Variants in OAF observed in about 807,000 individuals in gnomAD.
OAF encodes out at first homolog.
A neutral mutation model predicts 22.5 loss-of-function variants in OAF; 13 were observed. The observed-to-expected ratio is 0.58, with a 90% CI of 0.38 to 0.92. The LOEUF (loss-of-function observed/expected upper bound fraction) is 0.92. Ranked by LOEUF, OAF falls within the 40% of genes least tolerant of loss-of-function variation. OAF has a pLI of 0.00. For missense variants in OAF, 347 were observed against 381.8 expected, an observed-to-expected ratio of 0.91 and a Z score of 0.76; for synonymous variants, 175 against 170.5, an observed-to-expected ratio of 1.03 and a Z score of -0.21.
At chr11:120,213,894 C>T (rs1031954440) in intron 1 of OAF, 1 of 152,052 alleles carries the variant, frequency 6.6e-6, no homozygotes, top group African/African-American at 2.4e-5. Flanking sequence ...CCAAACGAGA[C>T]CCCTGTCTCT....
At chr11:120,226,758 G>A in intron 2 of OAF, 58 bp from the exon 3 acceptor site, 6 of 1,488,140 alleles carry the variant, frequency 4.0e-6, no homozygotes, top group Middle Eastern at 1.8e-4. Context: ...AGGGTCAGGG[G>A]AAGATGGACA....
intron 1 of OAF, among the ~76,000 whole-genome samples, chr11:120,223,450 T>G (rs1591359991): frequency 6.6e-6 from 1 of 152,312 alleles, no homozygotes; most frequent in South Asian, 2.1e-4. Context: ...CTCTTCTAGT[T>G]ACAAATTTCA....
rs2508490 is a variant in OAF at position 120,228,970 on chromosome 11, G to A, written c.650G>A (p.Arg217His). The part of the protein sequence containing the change: ...VGDHGKPCVC[R>H]YGLSLAWYPC... ...GACCACGGGAAGCCCTGCGTCTGCC[G>A]CTATGGCCTGAGCCTGGCCTGGTAC... The change falls in exon 4 of 4, where the codon CGC becomes CAC. Residue 217 changes from arginine (R) to histidine (H), a missense_variant. By Grantham distance (29) the Arg-to-His change is conservative (BLOSUM62 0). Coordinates refer to ENST00000328965, the MANE Select transcript of OAF (RefSeq NM_178507.4). 1,191,370 of 1,612,216 alleles carry A rather than the reference G, an allele frequency of 0.74. 456,698 individuals carry two copies. Among genetic ancestry groups the A allele is most frequent in the Middle Eastern group, 0.81 (4,909 of 6,034 alleles).
chr11:120,216,501 C>T lies in OAF; in HGVS notation c.231+4991C>T, dbSNP rs765980976. 4.6e-5 allele frequency among the ~76,000 whole-genome samples: 7 copies of T among 152,140 alleles called. No individual in the cohort carries two copies. In the East Asian group the frequency reaches 1.2e-3, roughly 25 times the overall value. On this transcript the variant is annotated intron_variant, in intron 1 of 3. Transcript: ENST00000328965. ...TTCCTCACAGGTATTTACAAGAAGTCGCCAGATGGAATGACCAGGCTCACT... is the reference window on the plus strand; with the variant it reads ...TTCCTCACAGGTATTTACAAGAAGTTGCCAGATGGAATGACCAGGCTCACT...
At position 120,211,475 on chromosome 11, in the gene OAF, G is replaced by T; in HGVS notation, c.196G>T (p.Gly66Cys). 2 of 1,506,332 alleles carry T rather than the reference G, an allele frequency of 1.3e-6. No individual in the cohort carries two copies. The highest frequency in any genetic ancestry group is 1.3e-5 in the South Asian group (1 of 78,718). 93.3% of individuals were successfully genotyped at this position (1,506,332 alleles called of 1,614,324 possible). A position where few individuals can be genotyped will look rare whatever the true frequency, so the allele number is the denominator to read the frequency against. The change falls in exon 1 of 4, where the codon GGC (glycine) becomes TGC (cysteine). Residue 66 changes from glycine (G) to cysteine (C), a missense_variant. Physicochemically the swap from Gly to Cys is radical, Grantham distance 159. Coordinates refer to ENST00000328965, the MANE Select transcript of OAF (RefSeq NM_178507.4). ...SISLELRKPD[G>C]TLVSFTADFK... Reference sequence around the variant, plus strand: ...CAGCCTCGAGCTGCGCAAGCCCGACGGCACCCTCGTCTCCTTCACCGCCGA... The same window carrying T: ...CAGCCTCGAGCTGCGCAAGCCCGACTGCACCCTCGTCTCCTTCACCGCCGA...
intron 3 of OAF, 103 bp downstream of exon 3, chr11:120,227,099 C>G (rs1165678279): frequency 1.4e-6 from 1 of 723,360 alleles, no homozygotes; most frequent in Non-Finnish European, 2.2e-6. Context: ...AGTTGAGTCT[C>G]ATCATTAGCC....
chr11:120,211,400 G>T lies in OAF; in HGVS notation c.121G>T (p.Gly41Cys). ...ELRVRVRLPD[G>C]QVTEESLQAD... ...GCGGGTCCGCGTGCGGCTGCCGGAC[G>T]GCCAGGTGACCGAGGAGAGCCTGCA... is the stretch of plus-strand genomic sequence containing the variant. Residue 41 changes from glycine to cysteine, a missense_variant, in exon 1 of 4, where the codon GGC becomes TGC. Physicochemically the swap from Gly to Cys is radical, Grantham distance 159. Coordinates refer to ENST00000328965, the MANE Select transcript of OAF (RefSeq NM_178507.4). 1 of 1,502,502 alleles carries T rather than the reference G, an allele frequency of 6.7e-7. No homozygotes were observed. Among genetic ancestry groups the T allele is most frequent in the Non-Finnish European group, 8.9e-7 (1 of 1,122,754 alleles). 93.1% of individuals were successfully genotyped at this position (1,502,502 alleles called of 1,614,324 possible).
chr11:120,219,088 G>A (rs190024275), intron 1 of OAF, among the ~76,000 whole-genome samples: 19 of 151,298 alleles, frequency 1.3e-4, no homozygotes, highest in African/African-American at 4.4e-4. Context: ...GTGCCCTGAC[G>A]CTGGGCATGA....
rs2465654 is a variant in OAF, at chr11:120,229,082, C to T, written c.762C>T (p.Phe254=). Residue 254 remains phenylalanine, a synonymous_variant, in exon 4 of 4, where the codon TTC becomes TTT. Transcript: ENST00000328965. ...GIRSCQKSYS[F]DFYVPQRQLC... is the part of the protein sequence containing the mutation. ...GCAGCTGCCAGAAGAGCTACAGCTTCGACTTCTACGTGCCCCAGAGGCAGC... is the reference window on the plus strand; with the variant it reads ...GCAGCTGCCAGAAGAGCTACAGCTTTGACTTCTACGTGCCCCAGAGGCAGC... 0.092 allele frequency: 148,534 copies of T among 1,613,378 alleles called. 8,671 individuals are homozygous for T. The highest frequency in any genetic ancestry group is 0.21 in the African/African-American group (15,820 of 74,988).
chr11:120,217,382 C>G (rs2135091370), intron 1 of OAF: 1 of 152,356 alleles, frequency 6.6e-6, no homozygotes, highest in South Asian at 2.1e-4. Flanking sequence ...AGTTCGAGAC[C>G]AGCCTGATCA....
In OAF at chr11:120,211,340, G is replaced by T; in HGVS notation, c.61G>T (p.Ala21Ser). ...PALLLLLPLLAPLLGTGAPAE... is the reference protein window; with the variant it reads ...PALLLLLPLLSPLLGTGAPAE... ...GCTGCTGCTGCTGCTGCCGCTGCTC[G>T]CGCCGCTGCTGGGAACGGGTGCGCC... Residue 21 changes from alanine to serine, a missense_variant, in exon 1 of 4, where the codon GCG becomes TCG. By Grantham distance (99) the Ala-to-Ser change is moderately conservative. Coordinates refer to ENST00000328965, the MANE Select transcript of OAF (RefSeq NM_178507.4). The T allele has an allele frequency of 7.1e-7, 1 of 1,409,878 alleles. No individual in the cohort carries two copies. The highest frequency in any genetic ancestry group is 9.3e-7 in the Non-Finnish European group (1 of 1,079,342). The allele number at this position is 1,409,878 out of a possible 1,614,324, so 87.3% of individuals were successfully genotyped here.
chr11:120,226,640 T>C (rs1328372850), intron 2 of OAF, among the ~76,000 whole-genome samples, 176 bp from the exon 3 acceptor site: 1 of 152,236 alleles, frequency 6.6e-6, no homozygotes, highest in African/African-American at 2.4e-5. Context: ...AAGGCTCGAC[T>C]GTACTCTAGG....
rs758096188 is a variant in OAF, at chr11:120,211,440, C to T, written c.161C>T (p.Ala54Val). 1.9e-6 allele frequency: 3 copies of T among 1,564,950 alleles called. No homozygotes were observed. Among genetic ancestry groups the T allele is most frequent in the East Asian group, 2.5e-5 (1 of 39,238 alleles). Residue 54 changes from alanine (A) to valine (V), a missense_variant, in exon 1 of 4, where the codon GCG becomes GTG. Coordinates refer to ENST00000328965, the MANE Select transcript of OAF (RefSeq NM_178507.4). ...TEESLQADSD[A>V]DSISLELRKP... ...GAGAGCCTGCAGGCGGACAGCGACG[C>T]GGACAGCATCAGCCTCGAGCTGCGC...
chr11:120,212,626 C>T (rs1344852642), intron 1 of OAF, among the ~76,000 whole-genome samples: 2 of 151,312 alleles, frequency 1.3e-5, no homozygotes, highest in African/African-American at 4.9e-5. Context: ...TGTCTTTCCT[C>T]CCTCGTAGAG....
chr11:120,222,145 G>A (rs1191261943), intron 1 of OAF, among the ~76,000 whole-genome samples: 1 of 152,208 alleles, frequency 6.6e-6, no homozygotes, highest in African/African-American at 2.4e-5. Context: ...GGTGCAAGGA[G>A]TGGAAAGCGG....
Position 120,211,387 on chromosome 11 carries a change from G to A in OAF, c.108G>A (p.Val36=). The A allele has an allele frequency of 1.4e-6, 2 of 1,475,164 alleles. No homozygotes were observed. The highest frequency in any genetic ancestry group is 1.8e-6 in the Non-Finnish European group (2 of 1,105,540). 91.4% of individuals were successfully genotyped at this position (1,475,164 alleles called of 1,614,324 possible). ...TGAPAELRVR[V]RLPDGQVTEE... ...CGCCGGCCGAGCTGCGGGTCCGCGT[G>A]CGGCTGCCGGACGGCCAGGTGACCG... The change falls in exon 1 of 4, where the codon GTG becomes GTA. Residue 36 remains valine (V), a synonymous_variant. Transcript: ENST00000328965.
At chr11:120,225,342 TC>T (rs1772455749) in intron 1 of OAF, among the ~76,000 whole-genome samples, 1 of 151,672 alleles carries the variant, frequency 6.6e-6, no homozygotes, top group African/African-American at 2.4e-5. Context: ...GATGCCCTGA[TC>T]AGGTGCCTGT....
intron 1 of OAF, among the ~76,000 whole-genome samples, chr11:120,218,286 C>T (rs948321761): frequency 6.6e-6 from 1 of 152,304 alleles, no homozygotes; most frequent in Non-Finnish European, 1.5e-5. Context: ...CATCATGGGG[C>T]GGCCTAGGTC....
chr11:120,225,789 C>A lies in OAF; in HGVS notation c.360C>A (p.Leu120=), dbSNP rs746335214. 1 of 1,599,460 alleles carries A rather than the reference C, an allele frequency of 6.3e-7. No homozygotes were observed. The highest frequency in any genetic ancestry group is 8.5e-7 in the Non-Finnish European group (1 of 1,173,714). ...EIIPSEAMAK[L]RQKNPRAVRQ... is the part of the protein sequence containing the mutation. ...TCCCCAGTGAGGCCATGGCCAAGCT[C>A]CGGCAGGTAAGTGCCCCACCAGGCC... Residue 120 remains leucine, a synonymous_variant, in exon 2 of 4, where the codon CTC becomes CTA. Transcript: ENST00000328965.
Sources: gnomAD v4.1 joint callset for allele counts (sites outside exome capture counted in the v4.1 genomes callset) on GRCh38, gnomAD v4.1.1 for gene constraint, MANE v1.5 for transcripts, NCBI Gene and HGNC (gene_info 2026-07-23, HGNC 2026-07-21) for gene names.